DENND2B: variants seen among roughly 807,000 people sequenced by gnomAD.
The protein encoded by DENND2B is DENN domain-containing protein 2B.
Under a neutral mutation model 116.0 loss-of-function variants are expected in DENND2B, and 32 were observed. The ratio of observed to expected loss-of-function variants is 0.28; its 90% CI spans 0.21 to 0.37. The LOEUF (loss-of-function observed/expected upper bound fraction) is 0.37. Ranked by LOEUF, DENND2B falls within the 10% of genes least tolerant of loss-of-function variation. DENND2B has a pLI of 1.00. For synonymous variants in DENND2B, 588 were observed against 583.9 expected (o/e 1.01, Z -0.10); for missense variants, 1,276 against 1,477.7 (o/e 0.86, Z 2.24).
rs866268261 is a variant in DENND2B at position 8,851,893 on chromosome 11, A to G, written c.-156+5450T>C. Among the ~76,000 whole-genome samples, 8 of 151,964 alleles carry G rather than the reference A, an allele frequency of 5.3e-5. No individual in the cohort carries two copies. The South Asian group carries it at 1.4e-3, about 28-fold the overall frequency. On this transcript the variant is annotated intron_variant, in intron 3 of 6. Transcript: ENST00000524757. The stretch of plus-strand genomic sequence containing the variant: ...TGGGTGATCTTTTTCCTATTTTCCA[A>G]TTTTTCTAGAAAGACCATGAATTAC...
chr11:8,726,746 AC>A (rs1367643705), intron 3 of DENND2B, among the ~76,000 whole-genome samples: 1 of 151,812 alleles, frequency 6.6e-6, no homozygotes, highest in Non-Finnish European at 1.5e-5. Flanking sequence ...CTAGCTGGGG[AC>A]TCCTGCCACT....
chr11:8,730,007 G>A lies in DENND2B; in HGVS notation c.1283C>T (p.Pro428Leu), dbSNP rs778988320. ...APPPLPSTPA[P>L]PVTRRPKKDM... ...CTTCTTGGGTCTCCGGGTGACTGGC[G>A]GGGCTGGGGTGGAGGGCAAGGGAGG... Residue 428 changes from proline (P) to leucine (L), a missense_variant, in exon 3 of 20, where the codon CCG (proline) becomes CTG (leucine). Transcript: ENST00000313726. The surrounding 1 kb of genome is among the most constrained non-coding windows in gnomAD (Gnocchi z 4.1). 1.2e-6 allele frequency: 2 copies of A among 1,614,168 alleles called. No homozygotes were observed. Among genetic ancestry groups the A allele is most frequent in the South Asian group, 1.1e-5 (1 of 91,082 alleles).
chr11:8,825,675 C>A (rs1285753325), intron 4 of DENND2B, among the ~76,000 whole-genome samples: 1 of 151,698 alleles, frequency 6.6e-6, no homozygotes, highest in East Asian at 1.9e-4. Flanking sequence ...AAAGCCTCCA[C>A]AAACTGGAAC....
Position 8,699,293 on chromosome 11 carries a change from T to C in DENND2B, c.2818A>G (p.Ile940Val), listed in dbSNP as rs2041062123. 1 of 1,604,080 alleles carries C rather than the reference T, an allele frequency of 6.2e-7. No individual in the cohort carries two copies. The highest frequency in any genetic ancestry group is 8.5e-7 in the Non-Finnish European group (1 of 1,177,636). Residue 940 changes from isoleucine to valine, a missense_variant, in exon 15 of 20, where the codon ATC becomes GTC. Coordinates refer to ENST00000313726, the MANE Select transcript of DENND2B (RefSeq NM_213618.2). Reference sequence around the variant, plus strand: ...AGGAAGGGGGTGGGACAGCAGACGATGTCAATCATGGAGGCCGGGAGGACA... The same window carrying C: ...AGGAAGGGGGTGGGACAGCAGACGACGTCAATCATGGAGGCCGGGAGGACA... ...IPVLPASMID[I>V]VCCPTPFLVG...
intron 1 of DENND2B, among the ~76,000 whole-genome samples, chr11:8,754,256 G>A (rs1008377178): frequency 6.6e-6 from 1 of 152,102 alleles, no homozygotes; most frequent in African/African-American, 2.4e-5. Context: ...TTAAAAATTA[G>A]ACAAAGGATT....
intron 4 of DENND2B, chr11:8,718,415 G>GC (rs760227294): frequency 4.6e-6 from 7 of 1,529,162 alleles, no homozygotes; most frequent in East Asian, 2.5e-5. Flanking sequence ...GCTTCGCCAG[G>GC]CCCCCTTCTC....
At chr11:8,858,986 CA>C (rs1023206571) in intron 2 of DENND2B, among the ~76,000 whole-genome samples, 4 of 152,182 alleles carry the variant, frequency 2.6e-5, no homozygotes, top group Non-Finnish European at 5.9e-5. Flanking sequence ...GCCAGGGAAT[CA>C]CCTAAGAAAA....
chr11:8,801,054 G>A (rs4082668), intron 1 of DENND2B, among the ~76,000 whole-genome samples: 31,974 of 150,418 alleles, frequency 0.21, 3,561 homozygotes, highest in South Asian at 0.34. Context: ...ATCTAGAGCC[G>A]TCTATCTCCC....
intron 1 of DENND2B, among the ~76,000 whole-genome samples, chr11:8,907,370 G>A (rs373295333): frequency 1.3e-5 from 2 of 152,094 alleles, no homozygotes; most frequent in East Asian, 3.9e-4. Flanking sequence ...GGGGCCTGAT[G>A]GTAGGTCATG....
chr11:8,781,648 TCA>T (rs746145501), intron 1 of DENND2B, among the ~76,000 whole-genome samples: 1 of 150,104 alleles, frequency 6.7e-6, no homozygotes, highest in Non-Finnish European at 1.5e-5. Flanking sequence ...ACACATAACC[TCA>T]CAAGGATAAC....
At chr11:8,829,562 G>A (rs1251724865) in intron 4 of DENND2B, among the ~76,000 whole-genome samples, 1 of 152,228 alleles carries the variant, frequency 6.6e-6, no homozygotes, top group Non-Finnish European at 1.5e-5. Flanking sequence ...ACAATTCTGA[G>A]GAGCTGAACC....
chr11:8,711,079 G>A, intron 10 of DENND2B, 43 bp downstream of exon 10: 1 of 1,602,742 alleles, frequency 6.2e-7, no homozygotes, highest in South Asian at 1.1e-5. Context: ...TGGGGGTAAA[G>A]AAGGCTATGC....
chr11:8,798,159 C>T (rs1198864758), intron 1 of DENND2B, among the ~76,000 whole-genome samples: 1 of 152,166 alleles, frequency 6.6e-6, no homozygotes, highest in Admixed American at 6.5e-5. Context: ...TACTGAAATG[C>T]TTCCCCACTC....
rs1409313750 is a variant in DENND2B, at chr11:8,693,903, A to C, written c.*193T>G. ...ATATTCTCTTTGCTTGTTACAAAAA[A>C]CAGTTAAGAAAGCTTACAGCAGATT... On this transcript the variant is annotated 3_prime_UTR_variant, in exon 20 of 20. Coordinates refer to ENST00000313726, the MANE Select transcript of DENND2B (RefSeq NM_213618.2). The C allele has an allele frequency of 9.2e-6, 5 of 543,006 alleles. No individual in the cohort carries two copies. Among genetic ancestry groups the C allele is most frequent in the Non-Finnish European group, 1.6e-5 (5 of 310,568 alleles). The allele number at this position is 543,006 out of a possible 1,614,324, so 33.6% of individuals were successfully genotyped here.
At chr11:8,876,556 G>A (rs989535613) in intron 2 of DENND2B, among the ~76,000 whole-genome samples, 3 of 151,938 alleles carry the variant, frequency 2.0e-5, no homozygotes, top group Non-Finnish European at 4.4e-5. Context: ...TGTTGTTTGG[G>A]GTTTTGTTCC....
chr11:8,720,707 T>C (rs2046007252), intron 4 of DENND2B, among the ~76,000 whole-genome samples: 1 of 152,162 alleles, frequency 6.6e-6, no homozygotes, highest in Admixed American at 6.5e-5. Context: ...CTCAAATAGA[T>C]TCTCCCAGTC....
rs892067505 is a variant in DENND2B at position 8,804,048 on chromosome 11, G to A, written c.-26+6469C>T. Among the ~76,000 whole-genome samples the A allele has an allele frequency of 5.9e-5, 9 of 152,210 alleles. No individual in the cohort carries two copies. The South Asian group carries it at 6.2e-4, about 11-fold the overall frequency. On this transcript the variant is annotated intron_variant, in intron 1 of 19. Coordinates refer to ENST00000313726, the MANE Select transcript of DENND2B (RefSeq NM_213618.2). The stretch of plus-strand genomic sequence containing the variant: ...CAGTTCTGGATGGACGGGTCTCCCC[G>A]TCTGTGAGGAGTGAGCATCCCACAG...
intron 1 of DENND2B, among the ~76,000 whole-genome samples, chr11:8,765,004 G>A (rs2134139559): frequency 6.6e-6 from 1 of 150,896 alleles, no homozygotes; most frequent in Admixed American, 6.6e-5. Context: ...CCAACGCCTG[G>A]CCCCTAAATT....
chr11:8,900,347 A>G (rs2064150210), intron 1 of DENND2B, among the ~76,000 whole-genome samples: 1 of 151,080 alleles, frequency 6.6e-6, no homozygotes, highest in South Asian at 2.1e-4. Flanking sequence ...CAGGAGAATG[A>G]CATGAACCCG....
Sources: allele counts gnomAD v4.1 joint callset (sites outside exome capture counted in the v4.1 genomes callset), GRCh38; gene constraint gnomAD v4.1.1; non-coding constraint Gnocchi (gnomAD v3.1); transcripts MANE v1.5; gene names NCBI Gene and HGNC (gene_info 2026-07-23, HGNC 2026-07-21).